DOK5: variants seen among roughly 807,000 people sequenced by gnomAD.
The protein encoded by DOK5 is downstream of tyrosine kinase 5.
In DOK5, 27 loss-of-function variants were observed where a neutral mutation model predicts 43.3. That is an observed-to-expected ratio of 0.62 (90% confidence interval 0.46 to 0.86). The LOEUF (loss-of-function observed/expected upper bound fraction) is 0.86. DOK5 is among the 40% of genes least tolerant of loss of function. The pLI is 0.00. For missense variants in DOK5, 373 were observed against 392.9 expected (o/e 0.95, Z 0.43); for synonymous variants, 146 against 140.1 (o/e 1.04, Z -0.30).
chr20:54,514,449 G>A (rs1249719012), intron 1 of DOK5, among the ~76,000 whole-genome samples: 1 of 152,034 alleles, frequency 6.6e-6, no homozygotes, highest in East Asian at 1.9e-4. Flanking sequence ...TTTGGTTCAG[G>A]TGTGCTTTAA....
intron 5 of DOK5, among the ~76,000 whole-genome samples, chr20:54,608,882 C>T (rs2146791303): frequency 6.6e-6 from 1 of 152,230 alleles, no homozygotes; most frequent in Non-Finnish European, 1.5e-5. Flanking sequence ...ACCATGTTGG[C>T]CAAGCTGGTC....
intron 1 of DOK5, among the ~76,000 whole-genome samples, chr20:54,503,704 A>G (rs1439571172): frequency 6.6e-6 from 1 of 152,180 alleles, no homozygotes; most frequent in Non-Finnish European, 1.5e-5. Context: ...CCACAGGAAG[A>G]TATTTAATTA....
At chr20:54,539,700 C>T (rs1001070903) in intron 1 of DOK5, among the ~76,000 whole-genome samples, 1 of 152,192 alleles carries the variant, frequency 6.6e-6, no homozygotes, top group Admixed American at 6.5e-5. Flanking sequence ...TTCCAGGCAA[C>T]CTTAAGACAA....
intron 5 of DOK5, among the ~76,000 whole-genome samples, 196 bp from the exon 6 acceptor site, chr20:54,610,192 C>T (rs553938629): frequency 3.3e-5 from 5 of 152,324 alleles, no homozygotes; most frequent in Admixed American, 6.5e-5. Context: ...CCTGGAGTCC[C>T]TTGGTCCCCT....
At chr20:54,619,007 A>ACCTTGTTT (rs574841596) in intron 6 of DOK5, among the ~76,000 whole-genome samples, 2,590 of 127,370 alleles carry the variant, frequency 0.02, 73 homozygotes, top group Non-Finnish European at 0.032. Flanking sequence ...ACAGAACAAG[A>ACCTTGTTT]CCTTGTTTCA....
At chr20:54,580,034 G>C (rs551760947) in intron 2 of DOK5, among the ~76,000 whole-genome samples, 1 of 152,128 alleles carries the variant, frequency 6.6e-6, no homozygotes, top group East Asian at 1.9e-4. Context: ...TGCGGTGTTT[G>C]GTTTTCTTTC....
intron 1 of DOK5, among the ~76,000 whole-genome samples, chr20:54,487,728 C>T (rs1312611339): frequency 6.6e-6 from 1 of 152,210 alleles, no homozygotes; most frequent in Non-Finnish European, 1.5e-5. Flanking sequence ...ATACCATCCT[C>T]TTACAAGACT....
chr20:54,481,978 C>T (rs1981739825), intron 1 of DOK5, among the ~76,000 whole-genome samples: 1 of 152,184 alleles, frequency 6.6e-6, no homozygotes, highest in Admixed American at 6.6e-5. Flanking sequence ...GAGACAATGA[C>T]ACTTAACTGG....
At chr20:54,538,337 AAGAACTGTCAACCC>A (rs1320788154) in intron 1 of DOK5, among the ~76,000 whole-genome samples, 1 of 152,168 alleles carries the variant, frequency 6.6e-6, no homozygotes, top group African/African-American at 2.4e-5. Context: ...GCTAAGAGAA[AAGAACTGTCAACCC>A]AGAATCTTAT....
At chr20:54,557,856 A>C (rs1324658949) in intron 2 of DOK5, among the ~76,000 whole-genome samples, 3 of 152,182 alleles carry the variant, frequency 2.0e-5, no homozygotes, top group Non-Finnish European at 4.4e-5. Context: ...CTCAGGAGGC[A>C]CCAGAACATA....
chr20:54,617,278 A>C (rs960981793), intron 6 of DOK5, among the ~76,000 whole-genome samples: 5 of 152,146 alleles, frequency 3.3e-5, no homozygotes, highest in Non-Finnish European at 7.3e-5. Flanking sequence ...ATGTATCACA[A>C]TCATGGAAGG....
At chr20:54,532,761 G>A (rs1407553574) in intron 1 of DOK5, among the ~76,000 whole-genome samples, 1 of 152,112 alleles carries the variant, frequency 6.6e-6, no homozygotes, top group Non-Finnish European at 1.5e-5. Context: ...ATCAAGTTTG[G>A]GCAAGATACC....
intron 5 of DOK5, among the ~76,000 whole-genome samples, chr20:54,594,383 C>A (rs1461968871): frequency 1.3e-5 from 2 of 152,070 alleles, no homozygotes; most frequent in Admixed American, 6.5e-5. Flanking sequence ...ACAGAGTGGA[C>A]CTTGTCTCAA....
chr20:54,644,828 A>T (rs1274421205), intron 7 of DOK5, among the ~76,000 whole-genome samples: 3 of 151,418 alleles, frequency 2.0e-5, no homozygotes. Context: ...GAATTGCACC[A>T]TTGCACTCCA....
chr20:54,588,096 T>C (rs1483834492), intron 2 of DOK5, among the ~76,000 whole-genome samples: 2 of 152,056 alleles, frequency 1.3e-5, no homozygotes, highest in Non-Finnish European at 2.9e-5. Flanking sequence ...TTGGAGGCTT[T>C]TGCAGCCAGC....
At chr20:54,572,490 A>G (rs1216287357) in intron 2 of DOK5, among the ~76,000 whole-genome samples, 1 of 152,116 alleles carries the variant, frequency 6.6e-6, no homozygotes, top group Admixed American at 6.5e-5. Flanking sequence ...CAATGGGAAT[A>G]CAATAGTGCC....
chr20:54,610,735 C>T (rs1986621434), intron 6 of DOK5, among the ~76,000 whole-genome samples: 1 of 152,220 alleles, frequency 6.6e-6, no homozygotes, highest in South Asian at 2.1e-4. Context: ...ATCTACTTTA[C>T]AACTCAATCG....
chr20:54,478,363 T>C lies in DOK5; in HGVS notation c.66+2351T>C, dbSNP rs146637467. The stretch of plus-strand genomic sequence containing the variant: ...GTTAGCGGTATTAATCTAGGCTACA[T>C]ATAGTCTAGAACAGCATGCGACATG... On this transcript the variant is annotated intron_variant, in intron 1 of 7. Coordinates refer to ENST00000262593, the MANE Select transcript of DOK5 (RefSeq NM_018431.5). 2.0e-5 allele frequency among the ~76,000 whole-genome samples: 3 copies of C among 152,346 alleles called. No individual in the cohort carries two copies. The East Asian group carries it at 5.8e-4, about 29-fold the overall frequency.
rs370427668 is a variant in DOK5, at chr20:54,586,946, C to T, written c.175-1537C>T. Among the ~76,000 whole-genome samples the T allele has an allele frequency of 5.1e-4, 77 of 151,598 alleles. 1 individual carries two copies. The highest frequency in any genetic ancestry group is 1.7e-3 in the African/African-American group (70 of 41,304). On this transcript the variant is annotated intron_variant, in intron 2 of 7. Transcript: ENST00000262593. The stretch of plus-strand genomic sequence containing the variant: ...TCTAAGGATGCAGGCTTTTGTCCCA[C>T]GTGCAATGGGAAGTCACTGAAGTGT...
Sources: allele counts gnomAD v4.1 joint callset (sites outside exome capture counted in the v4.1 genomes callset), GRCh38; gene constraint gnomAD v4.1.1; transcripts MANE v1.5; gene names NCBI Gene and HGNC (gene_info 2026-07-23, HGNC 2026-07-21).